Variants in SLC26A7 observed in about 807,000 individuals in gnomAD.
The protein encoded by SLC26A7 is solute carrier family 26 member 7.
In SLC26A7, 59 loss-of-function variants were observed where a neutral mutation model predicts 82.5. That is an observed-to-expected ratio of 0.72 (90% CI 0.58 to 0.89). SLC26A7 has a LOEUF of 0.89. Among genes scored for constraint, SLC26A7 ranks in the 40% least tolerant of loss-of-function variants. The pLI is 0.00. For synonymous variants in SLC26A7, 271 were observed against 274.3 expected, an observed-to-expected ratio of 0.99 and a Z score of 0.12; for missense variants, 820 against 793.0, an observed-to-expected ratio of 1.03 and a Z score of -0.41.
intron 5 of SLC26A7, among the ~76,000 whole-genome samples, chr8:91,321,106 C>T (rs1812777766): frequency 6.6e-6 from 1 of 152,222 alleles, no homozygotes; most frequent in African/African-American, 2.4e-5. Flanking sequence ...GCCTTCCTCA[C>T]AGGGGATGTC....
chr8:91,213,767 A>G (rs956307663), intron 1 of SLC26A7, among the ~76,000 whole-genome samples: 3 of 152,156 alleles, frequency 2.0e-5, no homozygotes, highest in Non-Finnish European at 2.9e-5. Flanking sequence ...ATTCAGATAC[A>G]TGGAGAAGAA....
chr8:91,395,347 A>G lies in SLC26A7; in HGVS notation c.*250A>G, dbSNP rs1808539125. On this transcript the variant is annotated 3_prime_UTR_variant, in exon 19 of 19. Coordinates refer to ENST00000276609, the MANE Select transcript of SLC26A7 (RefSeq NM_052832.4). ...TATGTGTTTAGTTTTAGTGTACTGA[A>G]GGGTAAACATGGTTTTATTTTATTT... 11 of 790,846 alleles carry G rather than the reference A, an allele frequency of 1.4e-5. No individual in the cohort carries two copies. Among genetic ancestry groups the G allele is most frequent in the Non-Finnish European group, 1.9e-5 (11 of 581,000 alleles). The allele number at this position is 790,846 out of a possible 1,614,324, so 49.0% of individuals were successfully genotyped here. A position where few individuals can be genotyped will look rare whatever the true frequency, so the allele number is the denominator to read the frequency against.
At chr8:91,345,107 AT>A (rs575561031) in intron 9 of SLC26A7, among the ~76,000 whole-genome samples, 4,860 of 137,748 alleles carry the variant, frequency 0.035, 74 homozygotes, top group South Asian at 0.078. Context: ...ACACCTTGCT[AT>A]TTTTTTTTTT....
At chr8:91,387,726 C>A (rs1223826970) in intron 15 of SLC26A7, among the ~76,000 whole-genome samples, 1 of 152,150 alleles carries the variant, frequency 6.6e-6, no homozygotes. Flanking sequence ...CATTTTTATT[C>A]ATTTTATCAT....
rs1208170625 is a variant in SLC26A7 at position 91,344,237 on chromosome 8, G to A, written c.1140+771G>A. The A allele has an allele frequency of 3.1e-6, 3 of 981,460 alleles. No individual in the cohort carries two copies. In the African/African-American group the frequency reaches 5.2e-5, roughly 17 times the overall value. The allele number at this position is 981,460 out of a possible 1,614,324, so 60.8% of individuals were successfully genotyped here. On this transcript the variant is annotated intron_variant, in intron 9 of 18. Coordinates refer to ENST00000276609, the MANE Select transcript of SLC26A7 (RefSeq NM_052832.4). ...ATTATTATCCTCAGTTTCTACATGAGAAAGTTGAGGGAAAGAAGGTTAAAG... is the reference window on the plus strand; with the variant it reads ...ATTATTATCCTCAGTTTCTACATGAAAAAGTTGAGGGAAAGAAGGTTAAAG...
At chr8:91,252,099 G>A (rs1402150202) in intron 2 of SLC26A7, among the ~76,000 whole-genome samples, 1 of 152,056 alleles carries the variant, frequency 6.6e-6, no homozygotes, top group Non-Finnish European at 1.5e-5. Context: ...TTTTGTTCTT[G>A]CATCATAACG....
chr8:91,222,275 G>T (rs937120929), intron 2 of SLC26A7, among the ~76,000 whole-genome samples: 1 of 152,160 alleles, frequency 6.6e-6, no homozygotes, highest in Non-Finnish European at 1.5e-5. Flanking sequence ...GGGCTGAGAT[G>T]ATGGGGTTTT....
Position 91,269,507 on chromosome 8 carries a change from A to G in SLC26A7, c.194-19629A>G, listed in dbSNP as rs115742204. Among the ~76,000 whole-genome samples, 970 of 150,768 alleles carry G rather than the reference A, an allele frequency of 6.4e-3. 7 individuals are homozygous for G. The highest frequency in any genetic ancestry group is 0.021 in the African/African-American group (878 of 41,036). ...TAAATTTTTTGAAAGCCATATTGAG[A>G]CTCTGTTCAATGTGATATATTTCTT... On this transcript the variant is annotated intron_variant, in intron 2 of 18. Coordinates refer to ENST00000276609, the MANE Select transcript of SLC26A7 (RefSeq NM_052832.4).
chr8:91,258,880 A>C, intron 2 of SLC26A7, among the ~76,000 whole-genome samples: 1 of 152,056 alleles, frequency 6.6e-6, no homozygotes, highest in Non-Finnish European at 1.5e-5. Flanking sequence ...TTAAACTCCA[A>C]CAAAACTAAA....
At chr8:91,393,711 AAGTT>A in intron 16 of SLC26A7, 82 bp from the exon 17 acceptor site, 3 of 1,435,868 alleles carry the variant, frequency 2.1e-6, no homozygotes, top group Middle Eastern at 1.8e-4. Flanking sequence ...GCTTTAAAGA[AAGTT>A]TGATTTCTTC....
chr8:91,325,064 T>A (rs1357950524), intron 5 of SLC26A7, among the ~76,000 whole-genome samples: 1 of 152,196 alleles, frequency 6.6e-6, no homozygotes, highest in Non-Finnish European at 1.5e-5. Flanking sequence ...GACCAGACCC[T>A]ACTCTTGTTT....
chr8:91,376,467 G>A (rs577801209), intron 15 of SLC26A7, among the ~76,000 whole-genome samples: 116 of 152,242 alleles, frequency 7.6e-4, no homozygotes, highest in African/African-American at 2.5e-3. Flanking sequence ...ATTTCTGGGT[G>A]CTTTCAGGGC....
chr8:91,388,409 A>G (rs1303711374), intron 15 of SLC26A7, among the ~76,000 whole-genome samples: 2 of 151,466 alleles, frequency 1.3e-5, no homozygotes, highest in Non-Finnish European at 2.9e-5. Context: ...TTTCCCTCAT[A>G]TTTTCTCCCA....
At chr8:91,358,045 C>T (rs1813923519) in intron 11 of SLC26A7, among the ~76,000 whole-genome samples, 1 of 152,176 alleles carries the variant, frequency 6.6e-6, no homozygotes, top group South Asian at 2.1e-4. Context: ...AAATACAAAT[C>T]AAAACCACAA....
intron 11 of SLC26A7, among the ~76,000 whole-genome samples, chr8:91,356,950 T>A (rs1328261599): frequency 2.6e-5 from 4 of 152,178 alleles, no homozygotes; most frequent in African/African-American, 9.7e-5. Flanking sequence ...CTTATTTAGA[T>A]CATGGAAGCA....
chr8:91,315,021 A>T (rs1812589194), intron 4 of SLC26A7, among the ~76,000 whole-genome samples: 1 of 152,188 alleles, frequency 6.6e-6, no homozygotes, highest in Admixed American at 6.6e-5. Context: ...GGTGACACTT[A>T]AGGTTAGGTA....
intron 5 of SLC26A7, among the ~76,000 whole-genome samples, chr8:91,330,297 T>C (rs968567604): frequency 2.6e-5 from 4 of 152,194 alleles, no homozygotes; most frequent in Non-Finnish European, 5.9e-5. Flanking sequence ...TATGCAGAAT[T>C]CAGGCTCAAC....
At chr8:91,295,731 AG>A in intron 4 of SLC26A7, 28 bp downstream of exon 4, 1 of 1,607,216 alleles carries the variant, frequency 6.2e-7, no homozygotes, top group South Asian at 1.1e-5. Context: ...TTGAGCACAA[AG>A]AAAGGGACAC....
chr8:91,380,248 G>C (rs1814632289), intron 15 of SLC26A7, among the ~76,000 whole-genome samples: 2 of 151,918 alleles, frequency 1.3e-5, no homozygotes, highest in South Asian at 4.1e-4. Context: ...TTTATGACCG[G>C]CAGTGTTTTA....
Sources: gnomAD v4.1 joint callset for allele counts (sites outside exome capture counted in the v4.1 genomes callset) on GRCh38, gnomAD v4.1.1 for gene constraint, MANE v1.5 for transcripts, NCBI Gene and HGNC (gene_info 2026-07-23, HGNC 2026-07-21) for gene names.